The following SRPK2 variants were observed in gnomAD, a reference collection of about 807,000 sequenced individuals.
SRPK2 encodes SFRS protein kinase 2.
SRPK2 carries 21 observed loss-of-function variants against 90.8 expected under a neutral mutation model. The observed-to-expected ratio is 0.23, with a 90% CI of 0.16 to 0.33. SRPK2 has a LOEUF of 0.33. SRPK2 is among the 10% of genes least tolerant of loss of function. SRPK2 has a pLI of 1.00. For missense variants in SRPK2, 620 were observed against 869.0 expected (o/e 0.71, Z 3.60); for synonymous variants, 288 against 311.1 (o/e 0.93, Z 0.78).
rs534785055 is a variant in SRPK2, at chr7:105,150,285, G to A, written c.622-3627C>T. On this transcript the variant is annotated intron_variant, in intron 7 of 15. Transcript: ENST00000393651. Reference sequence around the variant, plus strand: ...TGTAATCCCAGCCCTTCGGGAAGCCGAGGCAGGCAGATCACTTGAGGCCAG... The same window carrying A: ...TGTAATCCCAGCCCTTCGGGAAGCCAAGGCAGGCAGATCACTTGAGGCCAG... Among the ~76,000 whole-genome samples, 82 of 152,342 alleles carry A rather than the reference G, an allele frequency of 5.4e-4. 1 individual carries two copies. The highest frequency in any genetic ancestry group is 7.9e-4 in the Non-Finnish European group (54 of 68,030).
At chr7:105,177,531 T>C (rs1048541632) in intron 3 of SRPK2, among the ~76,000 whole-genome samples, 7 of 152,142 alleles carry the variant, frequency 4.6e-5, no homozygotes, top group African/African-American at 1.7e-4. Flanking sequence ...ATAAAAGAGT[T>C]AAAATGTAAG....
At chr7:105,315,940 T>C (rs1357836348) in intron 2 of SRPK2, among the ~76,000 whole-genome samples, 1 of 152,168 alleles carries the variant, frequency 6.6e-6, no homozygotes, top group Admixed American at 6.5e-5. Flanking sequence ...CTGTAGTTAC[T>C]ACCTGTTTAG....
At chr7:105,367,095 T>G (rs1045918195) in intron 2 of SRPK2, among the ~76,000 whole-genome samples, 9 of 151,900 alleles carry the variant, frequency 5.9e-5, no homozygotes, top group African/African-American at 1.9e-4. Context: ...TTGTTTGTTT[T>G]AGGATAGTCT....
chr7:105,319,017 A>G (rs946843290), intron 2 of SRPK2, among the ~76,000 whole-genome samples: 1 of 152,242 alleles, frequency 6.6e-6, no homozygotes, highest in Non-Finnish European at 1.5e-5. Context: ...ATTTTCAAGT[A>G]AAACAAGAAT....
Position 105,146,538 on chromosome 7 carries a change from T to C in SRPK2, c.742A>G (p.Thr248Ala). ...AYVRRMAAEA[T>A]EWQKAGAPPP... Reference sequence around the variant, plus strand: ...GGAGCACCTGCTTTCTGCCACTCAGTGGCCTCAGCTGCCATTCTTCTCACA... The same window carrying C: ...GGAGCACCTGCTTTCTGCCACTCAGCGGCCTCAGCTGCCATTCTTCTCACA... The change falls in exon 8 of 16, where the codon ACT becomes GCT. Residue 248 changes from threonine to alanine, a missense_variant. Physicochemically the swap from Thr to Ala is moderately conservative, Grantham distance 58. Transcript: ENST00000393651. 1 of 1,614,202 alleles carries C rather than the reference T, an allele frequency of 6.2e-7. No homozygotes were observed. Among genetic ancestry groups the C allele is most frequent in the Non-Finnish European group, 8.5e-7 (1 of 1,180,022 alleles).
At chr7:105,160,250 CT>C (rs1208011711) in intron 7 of SRPK2, 3 of 267,194 alleles carry the variant, frequency 1.1e-5, no homozygotes, top group African/African-American at 2.3e-5. Flanking sequence ...TGTCACATAC[CT>C]TAAAAAAAAA....
At chr7:105,290,590 G>A (rs978576822) in intron 2 of SRPK2, among the ~76,000 whole-genome samples, 3 of 152,164 alleles carry the variant, frequency 2.0e-5, no homozygotes, top group African/African-American at 7.2e-5. Flanking sequence ...ACCATTTTGG[G>A]AGGCTGAGGT....
intron 2 of SRPK2, among the ~76,000 whole-genome samples, chr7:105,266,629 C>A (rs555146118): frequency 6.6e-6 from 1 of 152,102 alleles, no homozygotes; most frequent in African/African-American, 2.4e-5. Context: ...GAGCACCATG[C>A]CTCAAACCAT....
chr7:105,397,240 T>G (rs1288763344), intron 1 of SRPK2, among the ~76,000 whole-genome samples: 3 of 151,756 alleles, frequency 2.0e-5, no homozygotes, highest in African/African-American at 4.8e-5. Context: ...ATGGTCTCGA[T>G]CTTTTGACGT....
intron 2 of SRPK2, among the ~76,000 whole-genome samples, chr7:105,245,367 A>C (rs1037164470): frequency 6.6e-5 from 10 of 152,178 alleles, no homozygotes; most frequent in Admixed American, 5.2e-4. Flanking sequence ...ACACATTATG[A>C]AGATAAGAAG....
intron 2 of SRPK2, among the ~76,000 whole-genome samples, chr7:105,363,798 T>C (rs535341900): frequency 2.0e-5 from 3 of 152,260 alleles, no homozygotes; most frequent in East Asian, 3.9e-4. Flanking sequence ...TGTCCATCAA[T>C]GATAGAGTGG....
chr7:105,183,668 T>C (rs1793187655), intron 3 of SRPK2, among the ~76,000 whole-genome samples: 1 of 151,704 alleles, frequency 6.6e-6, no homozygotes, highest in South Asian at 2.1e-4. Flanking sequence ...TTTGTATTTT[T>C]AGTAAAGATG....
Position 105,176,600 on chromosome 7 carries a change from T to C in SRPK2, c.230-7335A>G, listed in dbSNP as rs1193887669. Among the ~76,000 whole-genome samples the C allele has an allele frequency of 1.1e-3, 112 of 100,316 alleles. 4 individuals are homozygous for C. In the South Asian group the frequency reaches 0.038, roughly 34 times the overall value. 65.8% of individuals were successfully genotyped at this position (100,316 alleles called of 152,430 possible). A position where few individuals can be genotyped will look rare whatever the true frequency, so the allele number is the denominator to read the frequency against. On this transcript the variant is annotated intron_variant, in intron 3 of 15. Coordinates refer to ENST00000393651, the MANE Select transcript of SRPK2 (RefSeq NM_182692.3). ...GTGTGTATGTATATATGTGTGTGTG[T>C]GTGTGTGTGTATACGTGTGTGTATA...
At chr7:105,364,644 C>T (rs1243219015) in intron 2 of SRPK2, among the ~76,000 whole-genome samples, 2 of 151,942 alleles carry the variant, frequency 1.3e-5, no homozygotes, top group African/African-American at 2.4e-5. Flanking sequence ...TCTCGTGATC[C>T]GCCTGCCTCG....
At chr7:105,378,294 G>T (rs999625422) in intron 2 of SRPK2, among the ~76,000 whole-genome samples, 2 of 152,094 alleles carry the variant, frequency 1.3e-5, no homozygotes, top group African/African-American at 4.8e-5. Context: ...TATCCATAAT[G>T]ATTAGAAAGA....
chr7:105,204,373 T>A (rs1795938463), intron 2 of SRPK2, among the ~76,000 whole-genome samples: 1 of 152,236 alleles, frequency 6.6e-6, no homozygotes, highest in African/African-American at 2.4e-5. Flanking sequence ...GTTCGAAGTT[T>A]TGAATGTATT....
At chr7:105,392,256 T>TA (rs1482986425), upstream of SRPK2, among the ~76,000 whole-genome samples, 1 of 152,330 alleles carries the variant, frequency 6.6e-6, no homozygotes, top group African/African-American at 2.4e-5. Flanking sequence ...GTGATGAAGA[T>TA]GTTTTGGTGC....
At chr7:105,214,230 T>C (rs546932588) in intron 2 of SRPK2, among the ~76,000 whole-genome samples, 1 of 152,312 alleles carries the variant, frequency 6.6e-6, no homozygotes, top group South Asian at 2.1e-4. Flanking sequence ...TAGGCATTTT[T>C]TTAAGGAGCA....
At chr7:105,227,470 AT>A (rs1798852750) in intron 2 of SRPK2, among the ~76,000 whole-genome samples, 1 of 152,222 alleles carries the variant, frequency 6.6e-6, no homozygotes, top group African/African-American at 2.4e-5. Context: ...CAAAAAGCAC[AT>A]GACAAGATGG....
Sources: allele counts gnomAD v4.1 joint callset (sites outside exome capture counted in the v4.1 genomes callset), GRCh38; gene constraint gnomAD v4.1.1; transcripts MANE v1.5; gene names NCBI Gene and HGNC (gene_info 2026-07-23, HGNC 2026-07-21).